Variants in RARB observed in about 807,000 individuals in gnomAD.
RARB encodes the protein HBV-activated protein.
Under a neutral mutation model 51.9 loss-of-function variants are expected in RARB, and 17 were observed. That is an observed-to-expected ratio of 0.33 (90% CI 0.22 to 0.49). The LOEUF (loss-of-function observed/expected upper bound fraction) is 0.49. Among genes scored for constraint, RARB ranks in the 20% least tolerant of loss-of-function variants. The pLI is 0.99. For missense variants in RARB, 369 were observed against 550.8 expected (o/e 0.67, Z 3.30); for synonymous variants, 215 against 195.4 (o/e 1.10, Z -0.84).
intron 5 of RARB, among the ~76,000 whole-genome samples, chr3:25,201,814 G>T (rs1452727648): frequency 6.6e-6 from 1 of 152,154 alleles, no homozygotes; most frequent in Non-Finnish European, 1.5e-5. Flanking sequence ...TTTTTGATGT[G>T]CTGCTGGATT....
At chr3:25,273,209 C>G (rs1703294410) in intron 5 of RARB, among the ~76,000 whole-genome samples, 1 of 152,160 alleles carries the variant, frequency 6.6e-6, no homozygotes, top group African/African-American at 2.4e-5. Flanking sequence ...ATATTAAGTG[C>G]AGAATCATTG....
At chr3:24,864,410 C>T (rs1702811262) in intron 2 of RARB, among the ~76,000 whole-genome samples, 1 of 152,178 alleles carries the variant, frequency 6.6e-6, no homozygotes, top group Non-Finnish European at 1.5e-5. Flanking sequence ...TGGCTCTCTT[C>T]CTTGCTTAGG....
intron 1 of RARB, among the ~76,000 whole-genome samples, chr3:24,853,634 CAT>C (rs1006994378): frequency 2.0e-5 from 3 of 152,074 alleles, no homozygotes; most frequent in Non-Finnish European, 2.9e-5. Flanking sequence ...GATGATTCCA[CAT>C]GAGTAAAAAG....
At chr3:25,581,521 G>T (rs114035459) in intron 5 of RARB, among the ~76,000 whole-genome samples, 1 of 152,312 alleles carries the variant, frequency 6.6e-6, no homozygotes, top group South Asian at 2.1e-4. Flanking sequence ...AAGCAGTAGC[G>T]TGAGCAGGGC....
intron 2 of RARB, among the ~76,000 whole-genome samples, chr3:24,951,868 C>A (rs1235400488): frequency 6.6e-6 from 1 of 152,130 alleles, no homozygotes; most frequent in African/African-American, 2.4e-5. Context: ...TTTGACTCAC[C>A]TTTGTTTTCT....
At chr3:24,916,152 G>A (rs1695101756) in intron 2 of RARB, among the ~76,000 whole-genome samples, 1 of 152,000 alleles carries the variant, frequency 6.6e-6, no homozygotes, top group South Asian at 2.1e-4. Context: ...TGTCTGAGCT[G>A]GAAAAAAGAC....
chr3:24,994,852 G>T (rs1696989301), intron 2 of RARB, among the ~76,000 whole-genome samples: 1 of 152,004 alleles, frequency 6.6e-6, no homozygotes, highest in African/African-American at 2.4e-5. Context: ...ATTGTTGTAT[G>T]TGTCAGTTTT....
At position 25,347,495 on chromosome 3, in the gene RARB, C is replaced by T. The variant is rs564019462; in HGVS notation, c.179-113698C>T. Among the ~76,000 whole-genome samples, 163 of 152,292 alleles carry T rather than the reference C, an allele frequency of 1.1e-3. 1 individual carries two copies. The highest frequency in any genetic ancestry group is 3.9e-3 in the African/African-American group (161 of 41,560). On this transcript the variant is annotated intron_variant, in intron 5 of 11. Coordinates refer to the RARB transcript ENST00000383772. Reference sequence around the variant, plus strand: ...TATAACAAAGAAAATTGCCTTTAGGCACCCTTAGATTTTTAAATGAAGTTT... The same window carrying T: ...TATAACAAAGAAAATTGCCTTTAGGTACCCTTAGATTTTTAAATGAAGTTT...
At chr3:25,469,152 C>T (rs1007695524) in intron 2 of RARB, among the ~76,000 whole-genome samples, 2 of 152,256 alleles carry the variant, frequency 1.3e-5, no homozygotes, top group Non-Finnish European at 2.9e-5. Context: ...ATCTCCATGA[C>T]AGCGTTCGGC....
chr3:25,431,351 A>G (rs1324340429), intron 1 of RARB, among the ~76,000 whole-genome samples: 1 of 152,154 alleles, frequency 6.6e-6, no homozygotes, highest in East Asian at 1.9e-4. Flanking sequence ...AAGGTGTTAA[A>G]ATATTCCCTT....
At chr3:25,566,953 G>A (rs926091499) in intron 3 of RARB, among the ~76,000 whole-genome samples, 6 of 152,148 alleles carry the variant, frequency 3.9e-5, no homozygotes, top group South Asian at 4.2e-4. Context: ...TGGGGATTTC[G>A]CGAGCTAGGA....
chr3:25,075,037 TC>T (rs1280726369), intron 3 of RARB, among the ~76,000 whole-genome samples: 3 of 152,194 alleles, frequency 2.0e-5, no homozygotes, highest in Non-Finnish European at 2.9e-5. Context: ...AACTGTTGAC[TC>T]CCTCTCTTTA....
At chr3:25,403,886 T>TAAAAAAAAAAAAAAAAAAAAA (rs546197894) in intron 5 of RARB, among the ~76,000 whole-genome samples, 7 of 88,368 alleles carry the variant, frequency 7.9e-5, no homozygotes, top group African/African-American at 3.4e-4. Flanking sequence ...TTTCTTTTTC[T>TAAAAAAAAAAAAAAAAAAAAA]AAAAAAAAAA....
At chr3:25,076,390 T>C (rs755791663) in intron 3 of RARB, among the ~76,000 whole-genome samples, 7 of 152,254 alleles carry the variant, frequency 4.6e-5, no homozygotes, top group Admixed American at 2.0e-4. Flanking sequence ...TTGCCTGCCT[T>C]GGCCTCCCAG....
intron 2 of RARB, among the ~76,000 whole-genome samples, chr3:24,951,332 GT>G (rs1695886767): frequency 6.6e-6 from 1 of 152,186 alleles, no homozygotes; most frequent in South Asian, 2.1e-4. Flanking sequence ...ATGTGAGTCA[GT>G]GCATCCAGAG....
At chr3:25,279,751 T>C (rs898353244) in intron 5 of RARB, among the ~76,000 whole-genome samples, 3 of 152,142 alleles carry the variant, frequency 2.0e-5, no homozygotes, top group Non-Finnish European at 2.9e-5. Flanking sequence ...ACTAGTGATA[T>C]ATTAGCTTTT....
chr3:25,533,151 C>CACTT (rs1342698477), intron 3 of RARB, among the ~76,000 whole-genome samples: 1 of 152,116 alleles, frequency 6.6e-6, no homozygotes, highest in Non-Finnish European at 1.5e-5. Context: ...ACAAAAAGCT[C>CACTT]TATTTTTATA....
intron 3 of RARB, among the ~76,000 whole-genome samples, chr3:25,504,387 G>A (rs557611445): frequency 3.5e-4 from 54 of 152,298 alleles, no homozygotes; most frequent in African/African-American, 1.3e-3. Context: ...GATTCTCATT[G>A]GCCTAACTTG....
At chr3:25,494,373 G>A (rs1368318663) in intron 2 of RARB, among the ~76,000 whole-genome samples, 3 of 151,864 alleles carry the variant, frequency 2.0e-5, no homozygotes, top group African/African-American at 7.3e-5. Context: ...ATATTCTTGG[G>A]GGAAAGCCTG....
Sources: gnomAD v4.1 joint callset for allele counts (sites outside exome capture counted in the v4.1 genomes callset) on GRCh38, gnomAD v4.1.1 for gene constraint, MANE v1.5 for transcripts, NCBI Gene and HGNC (gene_info 2026-07-23, HGNC 2026-07-21) for gene names.